PRKD1: variants seen among roughly 807,000 people sequenced by gnomAD.
PRKD1 encodes the protein serine/threonine-protein kinase D1.
PRKD1 carries 63 observed loss-of-function variants against 95.9 expected under a neutral mutation model. The ratio of observed to expected loss-of-function variants is 0.66; its 90% confidence interval spans 0.54 to 0.81. The LOEUF (loss-of-function observed/expected upper bound fraction) is 0.81. Ranked by LOEUF, PRKD1 falls within the 30% of genes least tolerant of loss-of-function variation. The pLI is 0.00. For missense variants in PRKD1, 1,048 were observed against 1,165.3 expected, an observed-to-expected ratio of 0.90 and a Z score of 1.47; for synonymous variants, 425 against 423.1, an observed-to-expected ratio of 1.00 and a Z score of -0.05.
At chr14:29,801,692 C>A (rs1056837691) in intron 1 of PRKD1, among the ~76,000 whole-genome samples, 5 of 151,576 alleles carry the variant, frequency 3.3e-5, no homozygotes, top group African/African-American at 9.7e-5. Flanking sequence ...TTAGGGTCTA[C>A]GTGTTTTTTT....
intron 1 of PRKD1, among the ~76,000 whole-genome samples, chr14:29,926,488 C>A (rs566241542): frequency 1.1e-3 from 168 of 152,198 alleles, no homozygotes; most frequent in African/African-American, 3.8e-3. Context: ...GGTGGCCTGG[C>A]CCCGGATAAT....
At chr14:29,676,034 C>T (rs559501046) in intron 2 of PRKD1, among the ~76,000 whole-genome samples, 34 of 151,476 alleles carry the variant, frequency 2.2e-4, no homozygotes, top group African/African-American at 5.3e-4. Context: ...ATGTAAATGA[C>T]GCGTTAATGG....
chr14:29,789,155 A>T (rs1889416368), intron 1 of PRKD1, among the ~76,000 whole-genome samples: 1 of 152,120 alleles, frequency 6.6e-6, no homozygotes, highest in Non-Finnish European at 1.5e-5. Flanking sequence ...CAAAGTGCTC[A>T]GATTACAGAC....
chr14:29,887,701 G>T (rs1304751969), intron 1 of PRKD1, among the ~76,000 whole-genome samples: 1 of 152,042 alleles, frequency 6.6e-6, no homozygotes, highest in Non-Finnish European at 1.5e-5. Context: ...TATTTTAATT[G>T]TACCTTTTAT....
At chr14:29,756,021 T>C (rs1887680956) in intron 1 of PRKD1, among the ~76,000 whole-genome samples, 1 of 152,134 alleles carries the variant, frequency 6.6e-6, no homozygotes, top group South Asian at 2.1e-4. Context: ...TTCATAAACC[T>C]AATGAGAAAG....
At chr14:29,652,878 A>G (rs764746724) in intron 4 of PRKD1, 8 of 152,324 alleles carry the variant, frequency 5.3e-5, no homozygotes, top group Admixed American at 1.3e-4. Context: ...TAGTTAAGAA[A>G]TAGCTTTTTG....
Position 29,577,340 on chromosome 14 carries a change from C to T in PRKD1, c.2637G>A (p.Gln879=). The part of the protein sequence containing the change: ...WEKYAGEQGL[Q]YPTHLINPSA... Reference sequence around the variant, plus strand: ...TTGGATTGATCAGGTGTGTGGGGTACTGCAGCCCCTGCTCGCCTGCATACT... The same window carrying T: ...TTGGATTGATCAGGTGTGTGGGGTATTGCAGCCCCTGCTCGCCTGCATACT... Residue 879 remains glutamine (Q), a synonymous_variant, in exon 18 of 18, where the codon CAG becomes CAA. Coordinates refer to ENST00000331968, the MANE Select transcript of PRKD1 (RefSeq NM_002742.3). 6.2e-7 allele frequency: 1 copy of T among 1,613,834 alleles called. No individual in the cohort carries two copies.
At chr14:29,834,914 T>C (rs976950864) in intron 1 of PRKD1, among the ~76,000 whole-genome samples, 2 of 152,148 alleles carry the variant, frequency 1.3e-5, no homozygotes, top group East Asian at 3.8e-4. Flanking sequence ...AACTCCATAG[T>C]CAATGTTTTT....
chr14:29,797,006 A>T (rs1232039039), intron 1 of PRKD1, among the ~76,000 whole-genome samples: 1 of 152,206 alleles, frequency 6.6e-6, no homozygotes, highest in Admixed American at 6.5e-5. Flanking sequence ...ATACAACCTT[A>T]ATCCAATTTA....
At position 29,577,382 on chromosome 14, in the gene PRKD1, A is replaced by G. The variant is rs1432125519; in HGVS notation, c.2595T>C (p.Asp865=). 1 of 1,613,834 alleles carries G rather than the reference A, an allele frequency of 6.2e-7. No individual in the cohort carries two copies. The highest frequency in any genetic ancestry group is 2.2e-5 in the East Asian group (1 of 44,856). Residue 865 remains aspartate, a synonymous_variant, in exon 18 of 18, where the codon GAT becomes GAC. Coordinates refer to ENST00000331968, the MANE Select transcript of PRKD1 (RefSeq NM_002742.3). ...CTGCATACTTCTCCCACCTCAGGTC[A>G]TCACTTTCATGGGTGATGTAGCGCT... ...IGERYITHES[D]DLRWEKYAGE...
chr14:29,689,859 A>G (rs1410508252), intron 2 of PRKD1, among the ~76,000 whole-genome samples: 1 of 152,186 alleles, frequency 6.6e-6, no homozygotes, highest in Non-Finnish European at 1.5e-5. Context: ...ATCCTCAGCA[A>G]ATTAATGAAC....
At chr14:29,819,913 A>G (rs936429123) in intron 1 of PRKD1, among the ~76,000 whole-genome samples, 1 of 152,186 alleles carries the variant, frequency 6.6e-6, no homozygotes, top group Non-Finnish European at 1.5e-5. Flanking sequence ...AACTCCATGA[A>G]GGACACAAAA....
chr14:29,854,848 C>T (rs1892436935), intron 1 of PRKD1, among the ~76,000 whole-genome samples: 1 of 152,168 alleles, frequency 6.6e-6, no homozygotes, highest in African/African-American at 2.4e-5. Flanking sequence ...CCAGCCATGG[C>T]TCAAAGGGGC....
intron 1 of PRKD1, among the ~76,000 whole-genome samples, chr14:29,894,202 A>T (rs1489972667): frequency 6.6e-6 from 1 of 152,228 alleles, no homozygotes; most frequent in Admixed American, 6.5e-5. Flanking sequence ...GAATAATGAG[A>T]GTATACACCA....
chr14:29,587,690 C>T (rs548983174), intron 16 of PRKD1, among the ~76,000 whole-genome samples: 1 of 152,040 alleles, frequency 6.6e-6, no homozygotes, highest in Admixed American at 6.5e-5. Flanking sequence ...GCAGATACTA[C>T]CTTATTTGGA....
intron 2 of PRKD1, among the ~76,000 whole-genome samples, chr14:29,707,265 G>A (rs1885137478): frequency 6.6e-6 from 1 of 152,136 alleles, no homozygotes; most frequent in Non-Finnish European, 1.5e-5. Context: ...AATGAAATGA[G>A]AGGGAACAAA....
chr14:29,616,424 C>T (rs371165492), intron 13 of PRKD1, among the ~76,000 whole-genome samples: 1 of 143,476 alleles, frequency 7.0e-6, no homozygotes, highest in African/African-American at 2.5e-5. Context: ...ATCAAGACCA[C>T]ATTTTGTTGT....
At chr14:29,740,126 A>G (rs988127213) in intron 1 of PRKD1, among the ~76,000 whole-genome samples, 2 of 152,174 alleles carry the variant, frequency 1.3e-5, no homozygotes, top group African/African-American at 2.4e-5. Context: ...CTTAGTAGAC[A>G]CTTTGAAATT....
chr14:29,732,648 T>G (rs1886495422), intron 1 of PRKD1, among the ~76,000 whole-genome samples: 1 of 152,218 alleles, frequency 6.6e-6, no homozygotes, highest in Non-Finnish European at 1.5e-5. Context: ...AAAAGCTGGA[T>G]GGCAAACACT....
Sources: allele counts gnomAD v4.1 joint callset (sites outside exome capture counted in the v4.1 genomes callset), GRCh38; gene constraint gnomAD v4.1.1; transcripts MANE v1.5; gene names NCBI Gene and HGNC (gene_info 2026-07-23, HGNC 2026-07-21).